The following PCDHA7 variants were observed in gnomAD, a reference collection of about 807,000 sequenced individuals.
The protein encoded by PCDHA7 is protocadherin alpha-7.
In PCDHA7, 37 loss-of-function variants were observed where a neutral mutation model predicts 57.2. That is an observed-to-expected ratio of 0.65 (90% CI 0.50 to 0.85). PCDHA7 has a LOEUF of 0.85. Among genes scored for constraint, PCDHA7 ranks in the 40% least tolerant of loss-of-function variants. PCDHA7 has a pLI of 0.00. For missense variants in PCDHA7, 1,188 were observed against 1,241.8 expected, an observed-to-expected ratio of 0.96 and a Z score of 0.65; for synonymous variants, 553 against 558.8, an observed-to-expected ratio of 0.99 and a Z score of 0.15.
At chr5:140,901,553 A>C (rs1387848935) in intron 1 of PCDHA7, among the ~76,000 whole-genome samples, 1 of 152,072 alleles carries the variant, frequency 6.6e-6, no homozygotes, top group African/African-American at 2.4e-5. Flanking sequence ...TGTTCCATTC[A>C]TCTATGTGTC....
At chr5:140,916,367 C>T (rs1400347792) in intron 1 of PCDHA7, among the ~76,000 whole-genome samples, 2 of 152,196 alleles carry the variant, frequency 1.3e-5, no homozygotes, top group Non-Finnish European at 1.5e-5. Context: ...GAGTCTTTCA[C>T]TGTAGCCACC....
At chr5:140,840,901 G>T (rs1776933352) in intron 1 of PCDHA7, among the ~76,000 whole-genome samples, 1 of 151,852 alleles carries the variant, frequency 6.6e-6, no homozygotes, top group African/African-American at 2.4e-5. Flanking sequence ...TGACATACAG[G>T]TCATACTTAA....
chr5:140,836,651 G>C lies in PCDHA7; in HGVS notation c.2268G>C (p.Gln756His). 2 of 1,613,546 alleles carry C rather than the reference G, an allele frequency of 1.2e-6. No homozygotes were observed. The highest frequency in any genetic ancestry group is 1.7e-6 in the Non-Finnish European group (2 of 1,179,674). Reference protein sequence around the residue: ...GSWSFSQQRRQRVCSGEGPPK... With the variant: ...GSWSFSQQRRHRVCSGEGPPK... ...GGTCATTCTCCCAGCAGAGGCGGCA[G>C]AGGGTGTGCTCTGGGGAGGGCCCAC... The change falls in exon 1 of 4, where the codon CAG (glutamine) becomes CAC (histidine). Residue 756 changes from glutamine (Q) to histidine (H), a missense_variant. Gln to His is a conservative substitution (Grantham distance 24). Transcript: ENST00000525929.
chr5:141,003,638 G>C (rs2098132492), intron 3 of PCDHA7, among the ~76,000 whole-genome samples: 1 of 152,118 alleles, frequency 6.6e-6, no homozygotes, highest in Admixed American at 6.6e-5. Flanking sequence ...TAAAGTAGAA[G>C]TGAAGATCTG....
chr5:140,957,746 AG>A (rs1173855054), intron 1 of PCDHA7, among the ~76,000 whole-genome samples: 1 of 152,136 alleles, frequency 6.6e-6, no homozygotes, highest in Non-Finnish European at 1.5e-5. Flanking sequence ...CTGACATGAA[AG>A]GATGTTCATT....
At chr5:140,877,761 C>T (rs2057326734) in intron 1 of PCDHA7, 4 of 1,614,180 alleles carry the variant, frequency 2.5e-6, no homozygotes, top group Non-Finnish European at 8.5e-7. Flanking sequence ...CTGCAGAGAG[C>T]CCGCCCAAGA....
intron 1 of PCDHA7, among the ~76,000 whole-genome samples, chr5:140,907,086 A>T (rs1042352534): frequency 6.6e-6 from 1 of 152,136 alleles, no homozygotes; most frequent in East Asian, 1.9e-4. Context: ...GGTGATGGTA[A>T]GTGGTGCCAC....
chr5:140,938,957 C>T (rs1435245997), intron 1 of PCDHA7, among the ~76,000 whole-genome samples: 2 of 152,040 alleles, frequency 1.3e-5, no homozygotes, highest in African/African-American at 2.4e-5. Context: ...ATGCTCTAGT[C>T]GGAGTTTGGC....
chr5:140,919,080 T>C (rs1208413625), intron 1 of PCDHA7, among the ~76,000 whole-genome samples: 1 of 152,260 alleles, frequency 6.6e-6, no homozygotes, highest in Non-Finnish European at 1.5e-5. Flanking sequence ...GTTATGACTA[T>C]TGAATTGTCT....
chr5:140,928,368 A>G, intron 1 of PCDHA7: 3 of 1,614,212 alleles, frequency 1.9e-6, no homozygotes, highest in Non-Finnish European at 2.5e-6. Context: ...CTGAAGGGCC[A>G]TCAGCCTCTA....
intron 1 of PCDHA7, among the ~76,000 whole-genome samples, chr5:140,890,396 A>C (rs1466548320): frequency 1.3e-5 from 2 of 152,134 alleles, no homozygotes; most frequent in African/African-American, 4.8e-5. Context: ...ATAATCTATA[A>C]ATTTTAACTT....
At chr5:140,884,252 A>T (rs782059444) in intron 1 of PCDHA7, 36 of 1,613,334 alleles carry the variant, frequency 2.2e-5, no homozygotes, top group Non-Finnish European at 2.9e-5. Context: ...GCTGACGGCC[A>T]CGGCAACGGT....
At chr5:140,869,924 A>G (rs2051503420) in intron 1 of PCDHA7, 3 of 1,611,514 alleles carry the variant, frequency 1.9e-6, no homozygotes, top group African/African-American at 1.3e-5. Flanking sequence ...GAAGGAGTCA[A>G]TGGAGAGGTA....
At chr5:140,967,548 C>T (rs782750678) in intron 1 of PCDHA7, 15 of 1,613,922 alleles carry the variant, frequency 9.3e-6, no homozygotes, top group Non-Finnish European at 1.3e-5. Context: ...GACCAGTCCA[C>T]TTATCGCGTC....
chr5:140,987,155 A>G (rs2097233368), intron 3 of PCDHA7, among the ~76,000 whole-genome samples: 1 of 151,902 alleles, frequency 6.6e-6, no homozygotes, highest in South Asian at 2.1e-4. Context: ...TGGAGGTTGC[A>G]GTGAGCTGAG....
Position 140,845,987 on chromosome 5 carries a change from T to C in PCDHA7, c.2355+9249T>C, listed in dbSNP as rs1259118167. 7.3e-5 allele frequency among the ~76,000 whole-genome samples: 11 copies of C among 149,774 alleles called. 1 individual carries two copies. Among genetic ancestry groups the C allele is most frequent in the Admixed American group, 4.7e-4 (7 of 14,964 alleles). On this transcript the variant is annotated intron_variant, in intron 1 of 3. Coordinates refer to ENST00000525929, the MANE Select transcript of PCDHA7 (RefSeq NM_018910.3). ...TAGGATGTTTCAATATTTTGAATGT[T>C]GTGTGGTGGAATGAAAAAAATCTAA...
intron 3 of PCDHA7, among the ~76,000 whole-genome samples, chr5:140,984,776 G>C (rs1310495858): frequency 6.6e-6 from 1 of 152,062 alleles, no homozygotes; most frequent in Non-Finnish European, 1.5e-5. Context: ...AAGCTTACTT[G>C]CTGGGTGAGC....
chr5:140,968,081 G>A, intron 1 of PCDHA7: 2 of 1,614,120 alleles, frequency 1.2e-6, no homozygotes, highest in Non-Finnish European at 1.7e-6. Context: ...CAACATCACG[G>A]TGACAGCCAC....
At chr5:140,895,892 A>G (rs1554186717) in intron 1 of PCDHA7, among the ~76,000 whole-genome samples, 1 of 152,080 alleles carries the variant, frequency 6.6e-6, no homozygotes, top group East Asian at 1.9e-4. Flanking sequence ...GCTCACTGCA[A>G]CCTCCGCGTC....
Sources: allele counts gnomAD v4.1 joint callset (sites outside exome capture counted in the v4.1 genomes callset), GRCh38; gene constraint gnomAD v4.1.1; transcripts MANE v1.5; gene names NCBI Gene and HGNC (gene_info 2026-07-23, HGNC 2026-07-21).